PCLAF: variants seen among roughly 807,000 people sequenced by gnomAD.
PCLAF encodes the protein PCNA clamp associated factor.
PCLAF carries 12 observed loss-of-function variants against 15.1 expected under a neutral mutation model. The observed-to-expected ratio is 0.79, with a 90% CI of 0.51 to 1.29. The LOEUF is 1.29. Among genes scored for constraint, PCLAF ranks in the 50% most tolerant of loss-of-function variants. The pLI is 0.00. For synonymous variants in PCLAF, 33 were observed against 47.1 expected (o/e 0.70, Z 1.22); for missense variants, 116 against 130.9 (o/e 0.89, Z 0.56).
chr15:64,374,264 G>A (rs1038421792), intron 3 of PCLAF, among the ~76,000 whole-genome samples: 1 of 152,030 alleles, frequency 6.6e-6, no homozygotes, highest in African/African-American at 2.4e-5. Context: ...GTTTGTGGCC[G>A]GGTGTGGTTG....
intron 3 of PCLAF, among the ~76,000 whole-genome samples, chr15:64,368,049 A>G (rs941471439): frequency 6.6e-6 from 1 of 151,810 alleles, no homozygotes; most frequent in East Asian, 1.9e-4. Context: ...ATTTGGTATA[A>G]GATTATCGTT....
Position 64,365,313 on chromosome 15 carries a change from T to G in PCLAF, c.*717A>C, listed in dbSNP as rs1266222273. 2 of 152,564 alleles carry G rather than the reference T, an allele frequency of 1.3e-5. No individual in the cohort carries two copies. Among genetic ancestry groups the G allele is most frequent in the Non-Finnish European group, 2.9e-5 (2 of 68,360 alleles). 9.5% of individuals were successfully genotyped at this position (152,564 alleles called of 1,614,324 possible). ...CACCGCACCCGGCTAAAAATTGTTT[T>G]AGAGATAGGGTTTACGCTATGTTGC... On this transcript the variant is annotated 3_prime_UTR_variant, in exon 4 of 4. Transcript: ENST00000300035.
chr15:64,367,830 G>A (rs1225189638), intron 3 of PCLAF, among the ~76,000 whole-genome samples: 1 of 151,626 alleles, frequency 6.6e-6, no homozygotes. Flanking sequence ...TTACAGGCAT[G>A]AGCCACCGTG....
At chr15:64,374,872 GAAA>G in intron 3 of PCLAF, among the ~76,000 whole-genome samples, 1 of 146,906 alleles carries the variant, frequency 6.8e-6, no homozygotes, top group East Asian at 2.0e-4. Flanking sequence ...AAGGAAGAAA[GAAA>G]GAAAAAAAGG....
At chr15:64,373,923 TA>T (rs34408812) in intron 3 of PCLAF, 2 of 623,476 alleles carry the variant, frequency 3.2e-6, no homozygotes, top group Middle Eastern at 3.7e-4. Context: ...TACAAATCTA[TA>T]AAAAGGCAGA....
At chr15:64,373,766 T>C in intron 3 of PCLAF, 1 of 1,535,812 alleles carries the variant, frequency 6.5e-7, no homozygotes, top group East Asian at 2.4e-5. Flanking sequence ...GGCTCCTGGC[T>C]GGTGCAGGGG....
intron 2 of PCLAF, among the ~76,000 whole-genome samples, chr15:64,377,299 T>A (rs1009219110): frequency 1.3e-5 from 2 of 149,764 alleles, no homozygotes; most frequent in Non-Finnish European, 1.5e-5. Context: ...AACCCCCGTC[T>A]CTACTAAAAA....
chr15:64,366,461 T>A lies in PCLAF; in HGVS notation c.291-386A>T, dbSNP rs144902105. Among the ~76,000 whole-genome samples the A allele has an allele frequency of 2.8e-3, 430 of 152,306 alleles. 1 individual carries two copies. The highest frequency in any genetic ancestry group is 1.0e-2 in the African/African-American group (415 of 41,568). Reference sequence around the variant, plus strand: ...AAAGTAAAAAAATTAACCAATCCACTTTAGCAGAGAAAACATATAGCAAGT... The same window carrying A: ...AAAGTAAAAAAATTAACCAATCCACATTAGCAGAGAAAACATATAGCAAGT... On this transcript the variant is annotated intron_variant, in intron 3 of 3. Coordinates refer to ENST00000300035, the MANE Select transcript of PCLAF (RefSeq NM_014736.6).
intron 2 of PCLAF, among the ~76,000 whole-genome samples, chr15:64,379,133 T>C (rs1400720983): frequency 6.6e-6 from 1 of 152,110 alleles, no homozygotes; most frequent in Non-Finnish European, 1.5e-5. Flanking sequence ...GCCTATTTAG[T>C]TGGCTCTGGT....
upstream of PCLAF, among the ~76,000 whole-genome samples, chr15:64,381,763 AAAAGT>A (rs1899830229): frequency 6.6e-6 from 1 of 152,232 alleles, no homozygotes; most frequent in South Asian, 2.1e-4. Flanking sequence ...AACGATCTTC[AAAAGT>A]TACTATAGCT....
intron 2 of PCLAF, among the ~76,000 whole-genome samples, chr15:64,380,183 T>C (rs1899766404): frequency 6.6e-6 from 1 of 151,660 alleles, no homozygotes; most frequent in Non-Finnish European, 1.5e-5. Context: ...GAGTTTGAGA[T>C]CAGTCTGGCC....
intron 3 of PCLAF, among the ~76,000 whole-genome samples, chr15:64,367,083 A>G (rs1322117999): frequency 6.6e-6 from 1 of 152,154 alleles, no homozygotes; most frequent in Non-Finnish European, 1.5e-5. Flanking sequence ...TGATTGTGCC[A>G]CTGCACTCCA....
upstream of PCLAF, among the ~76,000 whole-genome samples, chr15:64,383,909 C>T (rs1363888230): frequency 6.6e-6 from 1 of 151,536 alleles, no homozygotes; most frequent in African/African-American, 2.4e-5. Flanking sequence ...GTCATTTTAA[C>T]ACCAACGATG....
chr15:64,377,227 G>A (rs1036893049), intron 2 of PCLAF, among the ~76,000 whole-genome samples: 6 of 151,184 alleles, frequency 4.0e-5, no homozygotes, highest in African/African-American at 1.5e-4. Context: ...CAGCACTTTG[G>A]GAGGCTGAGG....
At chr15:64,383,330 T>C (rs1899870973), upstream of PCLAF, among the ~76,000 whole-genome samples, 1 of 151,590 alleles carries the variant, frequency 6.6e-6, no homozygotes, top group Non-Finnish European at 1.5e-5. Context: ...TTTTTTGTCC[T>C]CATGGCCCAT....
intron 3 of PCLAF, among the ~76,000 whole-genome samples, chr15:64,370,868 G>A (rs1315009414): frequency 9.9e-6 from 1 of 100,992 alleles, no homozygotes; most frequent in Admixed American, 1.3e-4. Flanking sequence ...AGTATTTACA[G>A]AAAGAGCACA....
intron 3 of PCLAF, chr15:64,373,881 T>A: frequency 2.0e-6 from 2 of 989,690 alleles, no homozygotes; most frequent in Non-Finnish European, 2.8e-6. Context: ...ACAAAACATT[T>A]AAGTTGCTTA....
chr15:64,374,310 G>C (rs996691722), intron 3 of PCLAF, among the ~76,000 whole-genome samples: 1 of 152,136 alleles, frequency 6.6e-6, no homozygotes, highest in South Asian at 2.1e-4. Flanking sequence ...GGGAGGCCGA[G>C]GCGGGCAGAT....
At chr15:64,369,799 T>C (rs1246913320) in intron 3 of PCLAF, among the ~76,000 whole-genome samples, 1 of 152,220 alleles carries the variant, frequency 6.6e-6, no homozygotes. Context: ...CAGCCATCTA[T>C]TTTTATCTAG....
Sources: allele counts gnomAD v4.1 joint callset (sites outside exome capture counted in the v4.1 genomes callset), GRCh38; gene constraint gnomAD v4.1.1; transcripts MANE v1.5; gene names NCBI Gene and HGNC (gene_info 2026-07-23, HGNC 2026-07-21).